The following TASP1 variants were observed in gnomAD, a reference collection of about 807,000 sequenced individuals.
TASP1 encodes threonine aspartase 1.
A neutral mutation model predicts 56.6 loss-of-function variants in TASP1; 16 were observed. The observed-to-expected ratio is 0.28, with a 90% CI of 0.19 to 0.43. TASP1 has a LOEUF of 0.43. TASP1 is among the 20% of genes least tolerant of loss of function. The pLI is 1.00. For synonymous variants in TASP1, 179 were observed against 184.2 expected (o/e 0.97, Z 0.23); for missense variants, 393 against 511.6 (o/e 0.77, Z 2.24).
chr20:13,562,913 ATATGTG>A (rs1229400434), intron 7 of TASP1, among the ~76,000 whole-genome samples: 3 of 113,716 alleles, frequency 2.6e-5, no homozygotes, highest in East Asian at 2.4e-4. Context: ...ATACATATAT[ATATGTG>A]TGTGTGTGTG....
chr20:13,456,504 A>C (rs1170120410), intron 11 of TASP1, among the ~76,000 whole-genome samples: 1 of 152,172 alleles, frequency 6.6e-6, no homozygotes, highest in Admixed American at 6.6e-5. Flanking sequence ...TCTTCAATTA[A>C]TGATGTAAAA....
chr20:13,605,967 C>T (rs1475874592), intron 4 of TASP1, among the ~76,000 whole-genome samples: 1 of 152,136 alleles, frequency 6.6e-6, no homozygotes, highest in Non-Finnish European at 1.5e-5. Flanking sequence ...CCGCATTCTT[C>T]TCTCTTACCA....
chr20:13,619,408 C>A (rs1354950275), intron 4 of TASP1, among the ~76,000 whole-genome samples: 3 of 152,278 alleles, frequency 2.0e-5, no homozygotes, highest in Non-Finnish European at 2.9e-5. Context: ...TAAACCAGGT[C>A]TTCATACTTT....
chr20:13,374,653 C>T, the TASP1 span, among the ~76,000 whole-genome samples: 65 of 152,214 alleles, frequency 4.3e-4, no homozygotes, highest in South Asian at 1.2e-3. Context: ...TGGCCTCTTT[C>T]GTAATTTTTT....
the TASP1 span, among the ~76,000 whole-genome samples, chr20:13,332,095 C>T: frequency 6.6e-6 from 1 of 152,116 alleles, no homozygotes; most frequent in Non-Finnish European, 1.5e-5. Context: ...TCCCTGTAGA[C>T]CACAAAAAGA....
At chr20:13,487,283 G>A (rs947574168) in intron 10 of TASP1, among the ~76,000 whole-genome samples, 1 of 152,140 alleles carries the variant, frequency 6.6e-6, no homozygotes, top group African/African-American at 2.4e-5. Context: ...AGCGTACACA[G>A]CAGTTGGCAG....
At chr20:13,459,638 T>C (rs138889718) in intron 11 of TASP1, among the ~76,000 whole-genome samples, 56 of 152,250 alleles carry the variant, frequency 3.7e-4, no homozygotes, top group African/African-American at 1.3e-3. Flanking sequence ...ACCTATACTT[T>C]CTTGTTTTTC....
At chr20:13,291,181 G>A in the TASP1 span, among the ~76,000 whole-genome samples, 1 of 152,202 alleles carries the variant, frequency 6.6e-6, no homozygotes, top group Non-Finnish European at 1.5e-5. Flanking sequence ...GCGGAGAGCA[G>A]TGTGGCCAGG....
chr20:13,478,072 A>C (rs1279041430), intron 11 of TASP1, among the ~76,000 whole-genome samples: 1 of 152,158 alleles, frequency 6.6e-6, no homozygotes, highest in African/African-American at 2.4e-5. Flanking sequence ...AAGAGAAAAA[A>C]ATCTTTATTT....
At chr20:13,138,481 C>T in the TASP1 span, among the ~76,000 whole-genome samples, 1 of 152,290 alleles carries the variant, frequency 6.6e-6, no homozygotes, top group Non-Finnish European at 1.5e-5. Context: ...TAGTCACACA[C>T]ACCCCTAACC....
the TASP1 span, among the ~76,000 whole-genome samples, chr20:13,137,630 G>T: frequency 6.6e-6 from 1 of 152,122 alleles, no homozygotes; most frequent in African/African-American, 2.4e-5. Flanking sequence ...TGGTTTCTAT[G>T]CCCTGGGAAA....
At chr20:13,534,570 C>T (rs935677141) in intron 8 of TASP1, among the ~76,000 whole-genome samples, 16 of 152,124 alleles carry the variant, frequency 1.1e-4, no homozygotes. Flanking sequence ...TATATACAAA[C>T]ATCTAATAGA....
At chr20:13,537,829 C>T (rs753990480) in intron 8 of TASP1, among the ~76,000 whole-genome samples, 13 of 152,126 alleles carry the variant, frequency 8.5e-5, no homozygotes, top group Admixed American at 2.6e-4. Context: ...CCTGTTTTCT[C>T]TGTTCCAAAT....
intron 1 of TASP1, among the ~76,000 whole-genome samples, chr20:13,635,250 T>C (rs1289066608): frequency 6.6e-6 from 1 of 152,172 alleles, no homozygotes; most frequent in Non-Finnish European, 1.5e-5. Context: ...CTTAACCCAA[T>C]GGCATTTTCT....
chr20:13,389,427 G>A lies in TASP1; in HGVS notation c.*933C>T, dbSNP rs1447925218. 2 of 152,174 alleles carry A rather than the reference G, an allele frequency of 1.3e-5. No homozygotes were observed. The highest frequency in any genetic ancestry group is 2.9e-5 in the Non-Finnish European group (2 of 68,032). The allele number at this position is 152,174 out of a possible 1,614,324, so 9.4% of individuals were successfully genotyped here. A position where few individuals can be genotyped will look rare whatever the true frequency, so the allele number is the denominator to read the frequency against. On this transcript the variant is annotated 3_prime_UTR_variant, in exon 14 of 14. Coordinates refer to ENST00000337743, the MANE Select transcript of TASP1 (RefSeq NM_017714.3). ...AAAAGATAATTTATTAGTCTGAGAA[G>A]AGGAGTCACATACTATACCCAGTAA...
intron 8 of TASP1, among the ~76,000 whole-genome samples, chr20:13,537,644 G>C (rs2045464842): frequency 6.6e-6 from 1 of 152,048 alleles, no homozygotes; most frequent in African/African-American, 2.4e-5. Flanking sequence ...TATTGTCCTT[G>C]ACTAAAACAT....
chr20:13,293,621 G>A, the TASP1 span, among the ~76,000 whole-genome samples: 19 of 152,006 alleles, frequency 1.2e-4, no homozygotes, highest in African/African-American at 3.9e-4. Flanking sequence ...AACAAGTCTC[G>A]AATAAAAGGA....
chr20:13,238,368 T>C, the TASP1 span, among the ~76,000 whole-genome samples: 1 of 152,200 alleles, frequency 6.6e-6, no homozygotes, highest in Admixed American at 6.5e-5. Flanking sequence ...GCCACCTCAC[T>C]AAAATCAGGC....
At chr20:13,561,603 G>A (rs1404527469) in intron 7 of TASP1, among the ~76,000 whole-genome samples, 3 of 152,100 alleles carry the variant, frequency 2.0e-5, no homozygotes, top group Non-Finnish European at 4.4e-5. Context: ...CTGAGCTCAG[G>A]TGATTCGCCC....
Sources: allele counts gnomAD v4.1 joint callset (sites outside exome capture counted in the v4.1 genomes callset), GRCh38; gene constraint gnomAD v4.1.1; transcripts MANE v1.5; gene names NCBI Gene and HGNC (gene_info 2026-07-23, HGNC 2026-07-21).